Variants in HIKESHI observed in about 807,000 individuals in gnomAD.
HIKESHI encodes the protein heat shock protein nuclear import factor hikeshi.
In HIKESHI, 13 loss-of-function variants were observed where a neutral mutation model predicts 25.7. That is an observed-to-expected ratio of 0.51 (90% CI 0.33 to 0.80). HIKESHI has a LOEUF of 0.80. HIKESHI is among the 30% of genes least tolerant of loss of function. The pLI is 0.02. For missense variants in HIKESHI, 174 were observed against 229.5 expected (o/e 0.76, Z 1.56); for synonymous variants, 76 against 78.7 (o/e 0.97, Z 0.18).
chr11:86,345,845 G>T lies in HIKESHI; in HGVS notation c.*207G>T. On this transcript the variant is annotated 3_prime_UTR_variant, in exon 5 of 5. Coordinates refer to ENST00000278483, the MANE Select transcript of HIKESHI (RefSeq NM_016401.4). ...TCATTAAAGACTTTTTTCCCCTTAA[G>T]CTTAAAATACCATTCAAAGGCAAGA... The T allele has an allele frequency of 3.0e-6, 1 of 335,642 alleles. No homozygotes were observed. Among genetic ancestry groups the T allele is most frequent in the Admixed American group, 4.7e-5 (1 of 21,502 alleles). The allele number at this position is 335,642 out of a possible 1,614,324, so 20.8% of individuals were successfully genotyped here. A position where few individuals can be genotyped will look rare whatever the true frequency, so the allele number is the denominator to read the frequency against.
intron 3 of HIKESHI, among the ~76,000 whole-genome samples, chr11:86,342,641 G>C (rs1160636045): frequency 1.3e-5 from 2 of 151,682 alleles, no homozygotes; most frequent in Non-Finnish European, 2.9e-5. Context: ...ATATGTTTGT[G>C]TGCAGTATGG....
intron 2 of HIKESHI, among the ~76,000 whole-genome samples, chr11:86,332,310 T>G (rs1165975271): frequency 6.6e-6 from 1 of 152,058 alleles, no homozygotes. Flanking sequence ...TATGCACACT[T>G]ACAGACATCT....
Position 86,336,706 on chromosome 11 carries a change from A to G in HIKESHI, c.269-673A>G, listed in dbSNP as rs994520168. ...TAAATAATGCTCAGAAACTTCTCAA[A>G]TTTGAGGAAAAACATTAACCACATT... On this transcript the variant is annotated intron_variant, in intron 2 of 4. Transcript: ENST00000278483. Among the ~76,000 whole-genome samples, 5 of 152,344 alleles carry G rather than the reference A, an allele frequency of 3.3e-5. No homozygotes were observed. The South Asian group carries it at 1.0e-3, about 32-fold the overall frequency.
At chr11:86,319,242 A>T (rs2600953) in intron 2 of HIKESHI, among the ~76,000 whole-genome samples, 21,023 of 94,814 alleles carry the variant, frequency 0.22, 2,907 homozygotes, top group East Asian at 0.46. Flanking sequence ...ATATATATAT[A>T]TTTTTTTTTT....
intron 2 of HIKESHI, among the ~76,000 whole-genome samples, chr11:86,334,953 T>C (rs1484471613): frequency 6.6e-6 from 1 of 152,212 alleles, no homozygotes; most frequent in Admixed American, 6.5e-5. Flanking sequence ...GAATCAACTT[T>C]TTTGGAACTC....
At chr11:86,327,934 G>A (rs936502250) in intron 2 of HIKESHI, among the ~76,000 whole-genome samples, 1 of 152,182 alleles carries the variant, frequency 6.6e-6, no homozygotes, top group African/African-American at 2.4e-5. Context: ...ATAGGAGGAA[G>A]GATCCTGAAT....
chr11:86,325,821 G>A (rs559497466), intron 2 of HIKESHI, among the ~76,000 whole-genome samples: 12 of 151,756 alleles, frequency 7.9e-5, no homozygotes, highest in East Asian at 5.8e-4. Context: ...GCAGTGAACC[G>A]AGATGGCACC....
intron 2 of HIKESHI, among the ~76,000 whole-genome samples, chr11:86,328,605 G>A (rs1339523238): frequency 6.6e-5 from 10 of 151,802 alleles, no homozygotes; most frequent in Admixed American, 6.6e-4. Flanking sequence ...CACCACGCCC[G>A]GCTAATTTTT....
At chr11:86,324,195 T>C (rs957225551) in intron 2 of HIKESHI, 6 of 152,178 alleles carry the variant, frequency 3.9e-5, no homozygotes, top group Admixed American at 3.9e-4. Flanking sequence ...CCAAACTTAG[T>C]GTGGACACCC....
Position 86,308,766 on chromosome 11 carries a change from G to T in HIKESHI, c.268+2284G>T, listed in dbSNP as rs188728117. On this transcript the variant is annotated intron_variant, in intron 2 of 4. Coordinates refer to ENST00000278483, the MANE Select transcript of HIKESHI (RefSeq NM_016401.4). ...CCCGGTGTGTGATGTTCCCCTTCCT[G>T]TGTCCAAGTGTTCTCATTGTTCAAT... Among the ~76,000 whole-genome samples, 113 of 151,908 alleles carry T rather than the reference G, an allele frequency of 7.4e-4. 1 individual carries two copies. The East Asian group carries it at 0.017, about 23-fold the overall frequency.
At position 86,315,926 on chromosome 11, in the gene HIKESHI, G is replaced by A. The variant is rs115870911; in HGVS notation, c.268+9444G>A. Among the ~76,000 whole-genome samples the A allele has an allele frequency of 5.2e-3, 787 of 151,906 alleles. 7 individuals are homozygous for A. The highest frequency in any genetic ancestry group is 0.018 in the African/African-American group (746 of 41,432). ...TCTGAGTTACTGTTTTTTGAGGTCC[G>A]GTTCTTAAAAAGGAGAGTAATAATA... On this transcript the variant is annotated intron_variant, in intron 2 of 4. Coordinates refer to ENST00000278483, the MANE Select transcript of HIKESHI (RefSeq NM_016401.4).
At chr11:86,315,016 T>G (rs969144223) in intron 2 of HIKESHI, among the ~76,000 whole-genome samples, 2 of 152,228 alleles carry the variant, frequency 1.3e-5, no homozygotes, top group Non-Finnish European at 2.9e-5. Flanking sequence ...CCTTTATACA[T>G]ATGACATAGT....
intron 2 of HIKESHI, chr11:86,324,037 C>T (rs1417785492): frequency 6.6e-6 from 1 of 151,834 alleles, no homozygotes; most frequent in African/African-American, 2.4e-5. Flanking sequence ...CTATGTTGCC[C>T]AGGCTGGAGT....
At chr11:86,332,248 G>A (rs559560053) in intron 2 of HIKESHI, among the ~76,000 whole-genome samples, 1 of 152,174 alleles carries the variant, frequency 6.6e-6, no homozygotes, top group East Asian at 1.9e-4. Context: ...ACAGGCGTGA[G>A]CCACCGTGCC....
At chr11:86,325,175 CTCAAAAAAAAAG>C (rs1947241836) in intron 2 of HIKESHI, among the ~76,000 whole-genome samples, 1 of 150,080 alleles carries the variant, frequency 6.7e-6, no homozygotes, top group African/African-American at 2.5e-5. Flanking sequence ...GAGACCCTGT[CTCAAAAAAAAAG>C]GAAAAAAAAA....
intron 3 of HIKESHI, among the ~76,000 whole-genome samples, chr11:86,340,981 T>C (rs1245191965): frequency 6.6e-6 from 1 of 152,254 alleles, no homozygotes; most frequent in Admixed American, 6.5e-5. Flanking sequence ...TCCTCTGTTA[T>C]GACTCTTACA....
At chr11:86,339,377 T>C (rs1947660054) in intron 3 of HIKESHI, among the ~76,000 whole-genome samples, 2 of 152,346 alleles carry the variant, frequency 1.3e-5, no homozygotes, top group South Asian at 4.1e-4. Flanking sequence ...CACTCATAGA[T>C]ACAAATAGGT....
intron 2 of HIKESHI, among the ~76,000 whole-genome samples, chr11:86,320,316 G>T (rs755445643): frequency 2.0e-5 from 3 of 152,174 alleles, no homozygotes; most frequent in Non-Finnish European, 4.4e-5. Context: ...GGTGGCTCAC[G>T]CCTGTAATCC....
intron 4 of HIKESHI, 23 bp downstream of exon 4, chr11:86,344,744 A>G (rs767935042): frequency 2.1e-6 from 3 of 1,418,482 alleles, no homozygotes; most frequent in South Asian, 2.3e-5. Context: ...TTCTGTCTCC[A>G]ATATTAAGGC....
Sources: gnomAD v4.1 joint callset for allele counts (sites outside exome capture counted in the v4.1 genomes callset) on GRCh38, gnomAD v4.1.1 for gene constraint, MANE v1.5 for transcripts, NCBI Gene and HGNC (gene_info 2026-07-23, HGNC 2026-07-21) for gene names.